COMMD10: variants seen among roughly 807,000 people sequenced by gnomAD.
COMMD10 encodes the protein COMM domain containing 10, also known as COMM domain-containing protein 10.
COMMD10 carries 33 observed loss-of-function variants against 28.9 expected under a neutral mutation model. The ratio of observed to expected loss-of-function variants is 1.14; its 90% CI spans 0.87 to 1.53. The LOEUF (loss-of-function observed/expected upper bound fraction) is 1.53. Ranked by LOEUF, COMMD10 falls within the 40% of genes most tolerant of loss-of-function variation. COMMD10 has a pLI of 0.00. For missense variants in COMMD10, 310 were observed against 233.4 expected (o/e 1.33, Z -2.14); for synonymous variants, 110 against 81.7 (o/e 1.35, Z -1.87).
At chr5:116,112,424 G>A (rs574757045) in intron 4 of COMMD10, among the ~76,000 whole-genome samples, 199 of 151,828 alleles carry the variant, frequency 1.3e-3, no homozygotes, top group Non-Finnish European at 2.0e-3. Context: ...TTGAGATGGA[G>A]TCGCGTGCTG....
chr5:116,231,909 AAAG>A (rs1427153499), intron 5 of COMMD10, among the ~76,000 whole-genome samples: 3 of 152,172 alleles, frequency 2.0e-5, no homozygotes, highest in Non-Finnish European at 4.4e-5. Flanking sequence ...TTTTGTATTT[AAAG>A]AACAGTTTAA....
chr5:116,262,292 T>C (rs1029153967), intron 5 of COMMD10, among the ~76,000 whole-genome samples: 1 of 151,774 alleles, frequency 6.6e-6, no homozygotes, highest in East Asian at 1.9e-4. Context: ...GTTAAAAATA[T>C]AGTTTTCAAC....
chr5:116,100,622 A>T (rs1750629279), intron 4 of COMMD10, among the ~76,000 whole-genome samples: 1 of 150,900 alleles, frequency 6.6e-6, no homozygotes, highest in South Asian at 2.1e-4. Context: ...AGACTGGTTG[A>T]AAGACACTTC....
At chr5:116,236,057 A>T (rs1430968903) in intron 5 of COMMD10, among the ~76,000 whole-genome samples, 1 of 152,168 alleles carries the variant, frequency 6.6e-6, no homozygotes, top group Non-Finnish European at 1.5e-5. Flanking sequence ...AACATCATAT[A>T]GTTTGTTAGA....
chr5:116,216,442 A>G (rs1749101727), intron 5 of COMMD10, among the ~76,000 whole-genome samples: 1 of 152,216 alleles, frequency 6.6e-6, no homozygotes, highest in Non-Finnish European at 1.5e-5. Flanking sequence ...ATGTTTTTGT[A>G]CAAGTCCCAT....
intron 5 of COMMD10, among the ~76,000 whole-genome samples, chr5:116,150,558 G>A (rs1580492434): frequency 2.8e-5 from 4 of 140,468 alleles, no homozygotes; most frequent in Admixed American, 6.9e-5. Flanking sequence ...AGTTCTCCTT[G>A]AAGAGGTCCT....
At chr5:116,288,476 A>G (rs1262450142) in intron 5 of COMMD10, among the ~76,000 whole-genome samples, 1 of 151,760 alleles carries the variant, frequency 6.6e-6, no homozygotes, top group African/African-American at 2.4e-5. Context: ...CTGTATGTAC[A>G]TTTCTGTCCA....
chr5:116,172,961 C>T (rs1266338095), intron 5 of COMMD10, among the ~76,000 whole-genome samples: 3 of 152,016 alleles, frequency 2.0e-5, no homozygotes, highest in East Asian at 1.9e-4. Flanking sequence ...AACTTTTGCT[C>T]ATGTAAAGTT....
rs909738805 is a variant in COMMD10 at position 116,264,328 on chromosome 5, A to C, written c.511-27189A>C. Among the ~76,000 whole-genome samples, 5 of 151,842 alleles carry C rather than the reference A, an allele frequency of 3.3e-5. 1 individual carries two copies. Among genetic ancestry groups the C allele is most frequent in the African/African-American group, 1.2e-4 (5 of 41,178 alleles). On this transcript the variant is annotated intron_variant, in intron 5 of 6. Coordinates refer to ENST00000274458, the MANE Select transcript of COMMD10 (RefSeq NM_016144.4). ...TACGTATGAAGGCACAAAAGTGTTT[A>C]ATATTTTAGTTTATTCCCTTTAGTA... is the stretch of plus-strand genomic sequence containing the variant.
At chr5:116,117,877 A>G (rs1428619955) in intron 4 of COMMD10, among the ~76,000 whole-genome samples, 1 of 152,106 alleles carries the variant, frequency 6.6e-6, no homozygotes, top group Admixed American at 6.6e-5. Context: ...CTATTTCCCA[A>G]CCATTACTAG....
intron 5 of COMMD10, chr5:116,218,034 C>G: frequency 1.8e-6 from 2 of 1,091,116 alleles, no homozygotes; most frequent in South Asian, 2.5e-5. Context: ...CTCTTGGCAC[C>G]TCCAGCACCT....
intron 5 of COMMD10, among the ~76,000 whole-genome samples, chr5:116,175,504 A>T (rs141526693): frequency 1.3e-5 from 2 of 152,310 alleles, no homozygotes; most frequent in African/African-American, 4.8e-5. Context: ...GAATTACCAT[A>T]TGACCTAGCA....
intron 4 of COMMD10, among the ~76,000 whole-genome samples, chr5:116,109,960 G>A (rs1429830781): frequency 6.6e-6 from 1 of 152,172 alleles, no homozygotes; most frequent in Non-Finnish European, 1.5e-5. Flanking sequence ...CGTTTTTGAG[G>A]AAATGTTTTT....
intron 5 of COMMD10, among the ~76,000 whole-genome samples, chr5:116,221,224 T>C (rs970518405): frequency 5.3e-5 from 8 of 152,100 alleles, no homozygotes; most frequent in African/African-American, 1.9e-4. Flanking sequence ...ATCTTCATGA[T>C]TTCATCTCCC....
chr5:116,179,986 A>G lies in COMMD10; in HGVS notation c.510+45808A>G, dbSNP rs75408608. Among the ~76,000 whole-genome samples, 53 of 152,218 alleles carry G rather than the reference A, an allele frequency of 3.5e-4. 1 individual carries two copies. The East Asian group carries it at 9.3e-3, about 27-fold the overall frequency. ...ATGGACAGAAATAAAATAACTTGGAAGGAGGGCTGGGATGAATTGAGGTTT... is the reference window on the plus strand; with the variant it reads ...ATGGACAGAAATAAAATAACTTGGAGGGAGGGCTGGGATGAATTGAGGTTT... On this transcript the variant is annotated intron_variant, in intron 5 of 6. Transcript: ENST00000274458.
At chr5:116,263,832 G>A (rs1275624676) in intron 5 of COMMD10, among the ~76,000 whole-genome samples, 1 of 151,588 alleles carries the variant, frequency 6.6e-6, no homozygotes, top group Non-Finnish European at 1.5e-5. Flanking sequence ...GATATCTCAT[G>A]CCTCCCTAAA....
chr5:116,179,724 T>G (rs928971692), intron 5 of COMMD10, among the ~76,000 whole-genome samples: 6 of 152,104 alleles, frequency 3.9e-5, no homozygotes, highest in Non-Finnish European at 5.9e-5. Context: ...CTTTTATAGA[T>G]TTCTTGAGCA....
chr5:116,250,882 GTTC>G (rs1222584352), intron 5 of COMMD10, among the ~76,000 whole-genome samples: 2 of 151,994 alleles, frequency 1.3e-5, no homozygotes, highest in African/African-American at 2.4e-5. Context: ...TCTGATTTCA[GTTC>G]TTCTGAGCAA....
At chr5:116,266,070 G>C (rs1750577956) in intron 5 of COMMD10, among the ~76,000 whole-genome samples, 1 of 151,684 alleles carries the variant, frequency 6.6e-6, no homozygotes, top group Non-Finnish European at 1.5e-5. Flanking sequence ...CCTGGAAGAA[G>C]TGTTTTAGCT....
Sources: allele counts gnomAD v4.1 joint callset (sites outside exome capture counted in the v4.1 genomes callset), GRCh38; gene constraint gnomAD v4.1.1; transcripts MANE v1.5; gene names NCBI Gene and HGNC (gene_info 2026-07-23, HGNC 2026-07-21).